LINGO1: variants seen among roughly 807,000 people sequenced by gnomAD.
LINGO1 encodes the protein leucine rich repeat and Ig domain containing 1, also known as leucine-rich repeat and immunoglobulin-like domain-containing nogo receptor-interacting protein 1.
A neutral mutation model predicts 37.3 loss-of-function variants in LINGO1; 11 were observed. The observed-to-expected ratio is 0.29, with a 90% confidence interval of 0.19 to 0.49. The LOEUF (loss-of-function observed/expected upper bound fraction) is 0.49. LINGO1 is among the 20% of genes least tolerant of loss of function. The pLI, the probability that LINGO1 is intolerant of heterozygous loss-of-function variation, is 0.99. For synonymous variants in LINGO1, 387 were observed against 403.0 expected, an observed-to-expected ratio of 0.96 and a Z score of 0.48; for missense variants, 585 against 878.2, an observed-to-expected ratio of 0.67 and a Z score of 4.22.
chr15:77,728,984 C>G (rs546861157), intron 2 of LINGO1, among the ~76,000 whole-genome samples: 51 of 152,334 alleles, frequency 3.3e-4, no homozygotes, highest in African/African-American at 1.2e-3. Context: ...TGGACTTGGC[C>G]AAGTATTTGC....
rs186957620 is a variant in LINGO1, at chr15:77,723,525, C to G, written c.-195+11467G>C. Among the ~76,000 whole-genome samples the G allele has an allele frequency of 3.3e-3, 502 of 152,352 alleles. 9 individuals are homozygous for G. The highest frequency in any genetic ancestry group is 8.5e-4 in the Non-Finnish European group (58 of 68,024). On this transcript the variant is annotated intron_variant, in intron 2 of 3. Coordinates refer to the LINGO1 transcript ENST00000561686. ...GCTTTACCTGCGCCTCTCCATCAAC[C>G]CTTAGCACCACCTACGAGGCAACTG...
At chr15:77,724,701 C>A (rs1227798173) in intron 2 of LINGO1, among the ~76,000 whole-genome samples, 1 of 152,194 alleles carries the variant, frequency 6.6e-6, no homozygotes, top group African/African-American at 2.4e-5. Context: ...ATGTGGGCTT[C>A]CATAACTAGG....
At chr15:77,696,803 C>A (rs970075768), upstream of LINGO1, among the ~76,000 whole-genome samples, 1 of 152,256 alleles carries the variant, frequency 6.6e-6, no homozygotes, top group African/African-American at 2.4e-5. Context: ...TCCCAACCCC[C>A]ACCCACACAC....
intron 1 of LINGO1, among the ~76,000 whole-genome samples, chr15:77,766,747 T>TGA (rs760614974): frequency 1.1e-4 from 17 of 152,248 alleles, no homozygotes; most frequent in Non-Finnish European, 2.2e-4. Context: ...TGCAGAACTA[T>TGA]GAGTCAATTA....
intron 1 of LINGO1, among the ~76,000 whole-genome samples, chr15:77,776,526 A>AAGGCAGGAAGGG (rs1344764444): frequency 3.1e-4 from 11 of 35,772 alleles, no homozygotes; most frequent in East Asian, 6.3e-4. Flanking sequence ...GGAAGGGAGG[A>AAGGCAGGAAGGG]AGGGAGGGAG....
intron 2 of LINGO1, among the ~76,000 whole-genome samples, chr15:77,723,006 G>T (rs1329349618): frequency 6.6e-6 from 1 of 152,190 alleles, no homozygotes; most frequent in Non-Finnish European, 1.5e-5. Context: ...CAGGTCGGGG[G>T]CCCTCAGGAC....
intron 1 of LINGO1, among the ~76,000 whole-genome samples, chr15:77,770,587 C>CA (rs71145861): frequency 0.13 from 10,585 of 78,978 alleles, 834 homozygotes; most frequent in African/African-American, 0.23. Flanking sequence ...GACTCTGTCT[C>CA]AAAAAAAAAA....
At chr15:77,664,088 C>T (rs1460977915) in intron 3 of LINGO1, among the ~76,000 whole-genome samples, 1 of 150,890 alleles carries the variant, frequency 6.6e-6, no homozygotes, top group Admixed American at 6.6e-5. Context: ...GGAGACTGAC[C>T]CAGATTTCTC....
intron 2 of LINGO1, among the ~76,000 whole-genome samples, chr15:77,711,471 G>A (rs1481306273): frequency 6.6e-6 from 1 of 152,184 alleles, no homozygotes; most frequent in Non-Finnish European, 1.5e-5. Flanking sequence ...CCTGAGGCCT[G>A]CATCCTGCTT....
chr15:77,622,092 G>A (rs1039233259), intron 1 of LINGO1, among the ~76,000 whole-genome samples: 1 of 152,212 alleles, frequency 6.6e-6, no homozygotes, highest in African/African-American at 2.4e-5. Flanking sequence ...TGGGCAGCAG[G>A]AGAGAGGGAG....
chr15:77,723,934 G>A lies in LINGO1; in HGVS notation c.-195+11058C>T, dbSNP rs377035551. ...CAGATCTCTCAGGCTCAGCTCAGGC[G>A]TTGTGATATTTTTCCCCAGGTTATA... On this transcript the variant is annotated intron_variant, in intron 2 of 3. Coordinates refer to the LINGO1 transcript ENST00000561686. Among the ~76,000 whole-genome samples, 23 of 152,274 alleles carry A rather than the reference G, an allele frequency of 1.5e-4. No individual in the cohort carries two copies. The South Asian group carries it at 3.3e-3, about 22-fold the overall frequency.
upstream of LINGO1, among the ~76,000 whole-genome samples, chr15:77,633,317 CGA>C (rs2074325974): frequency 6.6e-6 from 1 of 152,162 alleles, no homozygotes; most frequent in Non-Finnish European, 1.5e-5. Context: ...TGTGAGCGCG[CGA>C]GTGTGTTTAC....
chr15:77,708,670 T>C (rs940908612), intron 2 of LINGO1, among the ~76,000 whole-genome samples: 1 of 152,172 alleles, frequency 6.6e-6, no homozygotes, highest in Non-Finnish European at 1.5e-5. Flanking sequence ...TTTGGGACTT[T>C]GGGAGGCCAA....
At chr15:77,698,831 G>T (rs1447855626), upstream of LINGO1, among the ~76,000 whole-genome samples, 1 of 152,196 alleles carries the variant, frequency 6.6e-6, no homozygotes, top group African/African-American at 2.4e-5. Flanking sequence ...CGGGAGCAGG[G>T]CTGCCTTTTT....
upstream of LINGO1, among the ~76,000 whole-genome samples, chr15:77,789,277 C>T (rs1251963759): frequency 6.6e-6 from 1 of 152,176 alleles, no homozygotes; most frequent in Non-Finnish European, 1.5e-5. Context: ...TGGAGTATGG[C>T]GGCCCCTTAA....
intron 2 of LINGO1, among the ~76,000 whole-genome samples, chr15:77,683,867 AC>A (rs1195368773): frequency 2.0e-5 from 3 of 150,730 alleles, no homozygotes; most frequent in East Asian, 1.9e-4. Context: ...TCCTCCCATA[AC>A]CCCTCACAGG....
At chr15:77,728,370 C>A (rs534618373) in intron 2 of LINGO1, among the ~76,000 whole-genome samples, 3 of 152,264 alleles carry the variant, frequency 2.0e-5, no homozygotes, top group Admixed American at 2.0e-4. Context: ...CACCCTGTTC[C>A]GGCCAGGCCA....
chr15:77,649,295 G>A (rs548050264), intron 3 of LINGO1: 9 of 152,360 alleles, frequency 5.9e-5, no homozygotes, highest in African/African-American at 2.2e-4. Flanking sequence ...GGGTGGTGAC[G>A]CCTGTATACA....
intron 1 of LINGO1, among the ~76,000 whole-genome samples, chr15:77,764,407 T>C (rs919898547): frequency 6.6e-6 from 1 of 152,180 alleles, no homozygotes; most frequent in African/African-American, 2.4e-5. Flanking sequence ...AAGCCACAGA[T>C]GGACCAGAAG....
Sources: gnomAD v4.1 joint callset for allele counts (sites outside exome capture counted in the v4.1 genomes callset) on GRCh38, gnomAD v4.1.1 for gene constraint, MANE v1.5 for transcripts, NCBI Gene and HGNC (gene_info 2026-07-23, HGNC 2026-07-21) for gene names.